The following CCDC7 variants were observed in gnomAD, a reference collection of about 807,000 sequenced individuals.
CCDC7 encodes the protein coiled-coil domain containing 7.
In CCDC7, 183 loss-of-function variants were observed where a neutral mutation model predicts 196.9. The observed-to-expected ratio is 0.93, with a 90% CI of 0.82 to 1.05. CCDC7 has a LOEUF of 1.05. Ranked by LOEUF, CCDC7 falls within the 50% of genes least tolerant of loss-of-function variation. The pLI is 0.00. For synonymous variants in CCDC7, 525 were observed against 484.6 expected (o/e 1.08, Z -1.10); for missense variants, 1,540 against 1,482.2 (o/e 1.04, Z -0.64).
chr10:32,669,770 T>C (rs755802121), intron 21 of CCDC7, among the ~76,000 whole-genome samples: 1 of 152,170 alleles, frequency 6.6e-6, no homozygotes. Flanking sequence ...CTTTGTTAGT[T>C]TCATTAAAGA....
rs2069791908 is a variant in CCDC7 at position 32,656,087 on chromosome 10, G to C, written c.2015-7967G>C. Among the ~76,000 whole-genome samples, 7 of 152,082 alleles carry C rather than the reference G, an allele frequency of 4.6e-5. No homozygotes were observed. In the South Asian group the frequency reaches 1.5e-3, roughly 32 times the overall value. ...ATCTTATTCTATTTTTGCTTTTGGG[G>C]TTGTATTAAAAAAATCATTGCTAAG... On this transcript the variant is annotated intron_variant, in intron 20 of 41. Coordinates refer to ENST00000639629, the Ensembl canonical transcript of CCDC7.
At chr10:32,775,278 A>G (rs2079830813) in intron 28 of CCDC7, among the ~76,000 whole-genome samples, 1 of 152,172 alleles carries the variant, frequency 6.6e-6, no homozygotes, top group Non-Finnish European at 1.5e-5. Context: ...CAGTACTTTT[A>G]GTATCAGAGG....
intron 8 of CCDC7, among the ~76,000 whole-genome samples, chr10:32,482,833 C>A (rs1254053008): frequency 6.6e-6 from 1 of 152,028 alleles, no homozygotes. Flanking sequence ...TGAACTCATC[C>A]TTTTTTATGG....
At chr10:32,550,153 G>GT (rs536415779) in intron 13 of CCDC7, among the ~76,000 whole-genome samples, 33,449 of 140,092 alleles carry the variant, frequency 0.24, 4,179 homozygotes, top group East Asian at 0.42. Context: ...ATATTCTTAA[G>GT]TTTTTTTTTT....
intron 20 of CCDC7, among the ~76,000 whole-genome samples, chr10:32,661,478 G>T (rs1478597077): frequency 1.3e-5 from 2 of 152,304 alleles, no homozygotes; most frequent in East Asian, 3.9e-4. Context: ...AGTTGGAAAT[G>T]TGCTGGGTCT....
At chr10:32,607,488 G>A (rs1215908057) in intron 18 of CCDC7, among the ~76,000 whole-genome samples, 1 of 152,108 alleles carries the variant, frequency 6.6e-6, no homozygotes, top group Non-Finnish European at 1.5e-5. Context: ...CATTTATTGT[G>A]TTAAGGTATG....
intron 16 of CCDC7, chr10:32,574,349 G>A (rs1184651198): frequency 1.9e-5 from 19 of 985,518 alleles, no homozygotes; most frequent in Non-Finnish European, 2.6e-5. Context: ...ATATTATGTT[G>A]CTAAATATAA....
intron 31 of CCDC7, among the ~76,000 whole-genome samples, chr10:32,817,305 C>G (rs910526358): frequency 6.6e-6 from 1 of 152,050 alleles, no homozygotes; most frequent in African/African-American, 2.4e-5. Flanking sequence ...TAAAAAGAAA[C>G]AAACAAAGCC....
chr10:32,676,715 AAAC>A (rs1330844149), intron 21 of CCDC7, among the ~76,000 whole-genome samples: 2 of 151,980 alleles, frequency 1.3e-5, no homozygotes, highest in African/African-American at 2.4e-5. Flanking sequence ...AAAAGTCAGG[AAAC>A]AACAGGTGCT....
At chr10:32,542,655 C>G in intron 11 of CCDC7, among the ~76,000 whole-genome samples, 1 of 104,632 alleles carries the variant, frequency 9.6e-6, no homozygotes, top group African/African-American at 3.6e-5. Context: ...AAAAAAAAAG[C>G]AGAAAGCAAC....
intron 20 of CCDC7, among the ~76,000 whole-genome samples, chr10:32,640,537 T>C (rs11009012): frequency 0.14 from 21,067 of 152,186 alleles, 1,768 homozygotes; most frequent in East Asian, 0.25. Flanking sequence ...ATGTGTGAAT[T>C]TTATCCTGTC....
chr10:32,863,936 C>G (rs1293746762), intron 41 of CCDC7, among the ~76,000 whole-genome samples: 1 of 150,484 alleles, frequency 6.6e-6, no homozygotes, highest in Non-Finnish European at 1.5e-5. Flanking sequence ...AAAAACCTCC[C>G]ACACTGCAAA....
At chr10:32,771,683 C>A (rs2079183457) in intron 28 of CCDC7, among the ~76,000 whole-genome samples, 1 of 152,138 alleles carries the variant, frequency 6.6e-6, no homozygotes, top group Non-Finnish European at 1.5e-5. Flanking sequence ...ATGGGGGTGG[C>A]AGGAGAGTCA....
chr10:32,641,150 GCA>G (rs2066727928), intron 20 of CCDC7, among the ~76,000 whole-genome samples: 1 of 152,110 alleles, frequency 6.6e-6, no homozygotes, highest in Non-Finnish European at 1.5e-5. Flanking sequence ...TGTTCTCAAA[GCA>G]CATCTTTGTG....
At chr10:32,732,053 A>C (rs1489403336) in intron 28 of CCDC7, among the ~76,000 whole-genome samples, 1 of 152,178 alleles carries the variant, frequency 6.6e-6, no homozygotes, top group Non-Finnish European at 1.5e-5. Context: ...TCCGTCTCAA[A>C]AAAAACAAAA....
intron 24 of CCDC7, among the ~76,000 whole-genome samples, chr10:32,705,660 G>T (rs529097836): frequency 2.0e-4 from 30 of 152,170 alleles, no homozygotes; most frequent in African/African-American, 6.7e-4. Context: ...AAAGGCAGAG[G>T]TTGCCATCCT....
At chr10:32,876,659 C>T (rs752652213), downstream of CCDC7, 14 of 301,844 alleles carry the variant, frequency 4.6e-5, no homozygotes, top group Middle Eastern at 9.1e-4. Context: ...TTTTAAATCA[C>T]AAATAATAAA....
upstream of CCDC7, among the ~76,000 whole-genome samples, chr10:32,445,833 GGTTTTGTA>G (rs1487526068): frequency 6.6e-6 from 1 of 152,182 alleles, no homozygotes; most frequent in Non-Finnish European, 1.5e-5. Context: ...CTGGGGCTCT[GGTTTTGTA>G]GCTGAAGCCC....
intron 20 of CCDC7, among the ~76,000 whole-genome samples, chr10:32,656,964 A>G (rs1380440388): frequency 1.3e-5 from 2 of 152,240 alleles, no homozygotes; most frequent in South Asian, 2.1e-4. Context: ...AAGAGGCTAC[A>G]TGCCCCAATC....
Sources: allele counts gnomAD v4.1 joint callset (sites outside exome capture counted in the v4.1 genomes callset), GRCh38; gene constraint gnomAD v4.1.1; transcripts MANE v1.5; gene names NCBI Gene and HGNC (gene_info 2026-07-23, HGNC 2026-07-21).